CORO2B: variants seen among roughly 807,000 people sequenced by gnomAD.
CORO2B encodes coronin 2B.
Under a neutral mutation model 58.8 loss-of-function variants are expected in CORO2B, and 26 were observed. The ratio of observed to expected loss-of-function variants is 0.44; its 90% CI spans 0.32 to 0.61. The LOEUF is 0.61. Among genes scored for constraint, CORO2B ranks in the 20% least tolerant of loss-of-function variants. The pLI is 0.04. For missense variants in CORO2B, 460 were observed against 645.1 expected (o/e 0.71, Z 3.11); for synonymous variants, 242 against 253.8 (o/e 0.95, Z 0.44).
At chr15:68,626,990 A>T (rs1483490476) in intron 1 of CORO2B, among the ~76,000 whole-genome samples, 2 of 152,164 alleles carry the variant, frequency 1.3e-5, no homozygotes, top group African/African-American at 2.4e-5. Context: ...ATGTGTAGCA[A>T]GACTCCTGGG....
chr15:68,566,889 G>A, the CORO2B span, among the ~76,000 whole-genome samples: 2 of 152,162 alleles, frequency 1.3e-5, no homozygotes, highest in Admixed American at 6.5e-5. Context: ...TACACAACTC[G>A]TTGGGGTTTG....
At chr15:68,545,885 C>T in the CORO2B span, among the ~76,000 whole-genome samples, 1 of 152,166 alleles carries the variant, frequency 6.6e-6, no homozygotes, top group African/African-American at 2.4e-5. Context: ...GATAGCTGTG[C>T]CAGGGCCCAG....
intron 2 of CORO2B, among the ~76,000 whole-genome samples, chr15:68,677,578 T>C (rs939886254): frequency 1.1e-4 from 16 of 152,172 alleles, no homozygotes; most frequent in Non-Finnish European, 2.2e-4. Context: ...AGGGATTTGC[T>C]TGGAGAGGCA....
At chr15:68,671,505 T>G (rs1479083504) in intron 2 of CORO2B, among the ~76,000 whole-genome samples, 1 of 152,246 alleles carries the variant, frequency 6.6e-6, no homozygotes, top group Non-Finnish European at 1.5e-5. Context: ...AATGTTCTGT[T>G]GTTGCATAAC....
chr15:68,672,701 G>A (rs1002197477), intron 2 of CORO2B, among the ~76,000 whole-genome samples: 1 of 152,212 alleles, frequency 6.6e-6, no homozygotes, highest in Non-Finnish European at 1.5e-5. Context: ...CTAGAACCAG[G>A]AAGAATCCTG....
chr15:68,701,478 ATTTTTTT>A (rs71145193), intron 3 of CORO2B, among the ~76,000 whole-genome samples: 3 of 38,828 alleles, frequency 7.7e-5, no homozygotes, highest in African/African-American at 9.8e-5. Context: ...CGCCCGGCTA[ATTTTTTT>A]TTTTTTTTTT....
In CORO2B at chr15:68,725,915, C is replaced by G; in HGVS notation, c.1384C>G (p.Arg462Gly). The G allele has an allele frequency of 6.2e-7, 1 of 1,614,060 alleles. No homozygotes were observed. The highest frequency in any genetic ancestry group is 8.5e-7 in the Non-Finnish European group (1 of 1,180,018). The change falls in exon 12 of 12, where the codon CGC (arginine) becomes GGC (glycine). Residue 462 changes from arginine (R) to glycine (G), a missense_variant. Coordinates refer to ENST00000261861, the MANE Select transcript of CORO2B (RefSeq NM_006091.5). ...LKEELAQKDI[R>G]IRQLQLELKN... ...AGAGGAGCTGGCCCAGAAGGACATC[C>G]GCATTCGGCAGCTCCAGCTGGAACT...
chr15:68,524,773 C>T, the CORO2B span, among the ~76,000 whole-genome samples: 3 of 152,192 alleles, frequency 2.0e-5, no homozygotes, highest in Admixed American at 2.0e-4. Flanking sequence ...GAAGCCAGAA[C>T]ATTTTCCTGA....
intron 1 of CORO2B, among the ~76,000 whole-genome samples, chr15:68,627,016 C>A (rs1321608556): frequency 6.6e-6 from 1 of 152,184 alleles, no homozygotes; most frequent in Non-Finnish European, 1.5e-5. Flanking sequence ...CTCCCAGTCC[C>A]ACCACTGCCA....
chr15:68,590,356 G>A (rs961120225), intron 1 of CORO2B, among the ~76,000 whole-genome samples: 3 of 152,000 alleles, frequency 2.0e-5, no homozygotes, highest in South Asian at 2.1e-4. Context: ...TTCGGAGGCT[G>A]CCCCCCCATG....
chr15:68,696,866 G>A (rs1035512562), intron 3 of CORO2B, among the ~76,000 whole-genome samples: 3 of 152,202 alleles, frequency 2.0e-5, no homozygotes, highest in Non-Finnish European at 4.4e-5. Context: ...CAGCCTTTTA[G>A]TCAGGCCACA....
the CORO2B span, among the ~76,000 whole-genome samples, chr15:68,533,020 C>A: frequency 6.6e-6 from 1 of 152,212 alleles, no homozygotes; most frequent in Non-Finnish European, 1.5e-5. Context: ...CCAATGAAAT[C>A]CTTTTGCACT....
chr15:68,525,810 A>C, the CORO2B span, among the ~76,000 whole-genome samples: 1 of 152,220 alleles, frequency 6.6e-6, no homozygotes, highest in African/African-American at 2.4e-5. Flanking sequence ...TAAAGCTGAC[A>C]GTGCGATGAG....
chr15:68,609,654 C>T (rs929496119), intron 1 of CORO2B, among the ~76,000 whole-genome samples: 5 of 152,200 alleles, frequency 3.3e-5, no homozygotes, highest in Non-Finnish European at 7.3e-5. Context: ...GGCCTGAGCC[C>T]GCTGTCCCCT....
intron 2 of CORO2B, among the ~76,000 whole-genome samples, chr15:68,662,955 C>T (rs770264802): frequency 2.6e-5 from 4 of 151,796 alleles, no homozygotes; most frequent in Admixed American, 6.6e-5. Flanking sequence ...AACAGGCTAA[C>T]ACAGGACTTT....
At chr15:68,545,238 C>G in the CORO2B span, among the ~76,000 whole-genome samples, 115,256 of 152,106 alleles carry the variant, frequency 0.76, 43,940 homozygotes, top group East Asian at 0.96. Flanking sequence ...GTCTTCACGA[C>G]TTTTTCCCCT....
chr15:68,648,379 G>T (rs1455725063), intron 2 of CORO2B, among the ~76,000 whole-genome samples: 8 of 151,714 alleles, frequency 5.3e-5, no homozygotes, highest in Non-Finnish European at 8.8e-5. Flanking sequence ...GGGTGCAGTG[G>T]CTCACGCCTG....
chr15:68,674,897 T>G (rs893408461), intron 2 of CORO2B, among the ~76,000 whole-genome samples: 2 of 152,276 alleles, frequency 1.3e-5, no homozygotes, highest in Non-Finnish European at 2.9e-5. Flanking sequence ...CACTACACTC[T>G]CTTTAGGGGT....
At chr15:68,706,893 G>A (rs1393349725) in intron 3 of CORO2B, among the ~76,000 whole-genome samples, 1 of 151,836 alleles carries the variant, frequency 6.6e-6, no homozygotes, top group Non-Finnish European at 1.5e-5. Context: ...TTCCTTTTTT[G>A]TAAAGATGGG....
Sources: allele counts gnomAD v4.1 joint callset (sites outside exome capture counted in the v4.1 genomes callset), GRCh38; gene constraint gnomAD v4.1.1; transcripts MANE v1.5; gene names NCBI Gene and HGNC (gene_info 2026-07-23, HGNC 2026-07-21).